Variants in GREB1L observed in about 807,000 individuals in gnomAD.
GREB1L encodes the protein GREB1-like protein.
A neutral mutation model predicts 200.8 loss-of-function variants in GREB1L; 17 were observed. The ratio of observed to expected loss-of-function variants is 0.08; its 90% confidence interval spans 0.06 to 0.13. The LOEUF is 0.13. Ranked by LOEUF, GREB1L falls within the 10% of genes least tolerant of loss-of-function variation. The pLI is 1.00. For missense variants in GREB1L, 1,657 were observed against 2,367.7 expected, an observed-to-expected ratio of 0.70 and a Z score of 6.23; for synonymous variants, 789 against 893.0, an observed-to-expected ratio of 0.88 and a Z score of 2.08.
intron 2 of GREB1L, chr18:21,380,716 A>G (rs2040269354): frequency 6.6e-6 from 1 of 152,212 alleles, no homozygotes; most frequent in Non-Finnish European, 1.5e-5. Context: ...CAGAATACTG[A>G]GGATTAAATA....
chr18:21,342,118 G>T (rs746887061), intron 1 of GREB1L, among the ~76,000 whole-genome samples: 6 of 152,024 alleles, frequency 3.9e-5, no homozygotes, highest in Non-Finnish European at 8.8e-5. Context: ...TGCTTATAGG[G>T]TCTCTAAATG....
chr18:21,395,497 C>T lies in GREB1L; in HGVS notation c.468C>T (p.His156=). The stretch of plus-strand genomic sequence containing the variant: ...CCAAGTCTCCCAATCTGCCTGAACA[C>T]ATCCTAGTTTGTGCTGTGGACAAGC... ...VGAKSPNLPE[H]ILVCAVDKRF... Residue 156 remains histidine, a synonymous_variant, in exon 5 of 33, where the codon CAC becomes CAT. Transcript: ENST00000424526. 6.4e-7 allele frequency: 1 copy of T among 1,551,406 alleles called. No homozygotes were observed. The highest frequency in any genetic ancestry group is 2.4e-5 in the East Asian group (1 of 40,890).
chr18:21,369,289 T>C (rs982469333), intron 2 of GREB1L, among the ~76,000 whole-genome samples: 1 of 152,192 alleles, frequency 6.6e-6, no homozygotes, highest in Non-Finnish European at 1.5e-5. Context: ...TTCTGGTTAT[T>C]TAATGTTTTC....
intron 19 of GREB1L, among the ~76,000 whole-genome samples, chr18:21,493,456 C>A (rs187218773): frequency 6.6e-6 from 1 of 152,176 alleles, no homozygotes; most frequent in Non-Finnish European, 1.5e-5. Context: ...CACAGGAGAA[C>A]TGCAGCCATC....
chr18:21,500,108 G>A lies in GREB1L; in HGVS notation c.3771G>A (p.Leu1257=). The change falls in exon 22 of 33, where the codon CTG becomes CTA. Residue 1257 remains leucine (L), a synonymous_variant. Coordinates refer to ENST00000424526, the MANE Select transcript of GREB1L (RefSeq NM_001142966.3). The part of the protein sequence containing the change: ...SGKLPSSSSL[L]PHADVAWVSS... ...AGCTGCCATCCTCCTCCTCCCTGCTGCCCCACGCCGACGTGGCCTGGGTGA... is the reference window on the plus strand; with the variant it reads ...AGCTGCCATCCTCCTCCTCCCTGCTACCCCACGCCGACGTGGCCTGGGTGA... 1.7e-5 allele frequency: 27 copies of A among 1,551,688 alleles called. No individual in the cohort carries two copies. Among genetic ancestry groups the A allele is most frequent in the Non-Finnish European group, 2.4e-5 (27 of 1,147,008 alleles).
chr18:21,472,777 A>T (rs2035533591), intron 15 of GREB1L, among the ~76,000 whole-genome samples: 2 of 152,202 alleles, frequency 1.3e-5, no homozygotes. Context: ...AGCTGCCTTT[A>T]TCTCATGTAC....
chr18:21,444,138 C>G (rs1350787723), intron 10 of GREB1L, 86 bp from the exon 11 acceptor site: 1 of 894,026 alleles, frequency 1.1e-6, no homozygotes, highest in African/African-American at 1.7e-5. Flanking sequence ...TTTTGTTAAG[C>G]AGCTTTGATC....
At chr18:21,460,179 T>C (rs2034980957) in intron 15 of GREB1L, among the ~76,000 whole-genome samples, 1 of 152,314 alleles carries the variant, frequency 6.6e-6, no homozygotes, top group East Asian at 1.9e-4. Flanking sequence ...GTTTTCGTTT[T>C]TGTTTTTGTT....
chr18:21,265,461 C>T (rs369706228), intron 1 of GREB1L, among the ~76,000 whole-genome samples: 26 of 152,102 alleles, frequency 1.7e-4, no homozygotes, highest in South Asian at 4.1e-4. Flanking sequence ...AAAAAATGGA[C>T]GGTGATGGGC....
chr18:21,516,654 G>A lies in GREB1L; in HGVS notation c.5171G>A (p.Ser1724Asn). 6.4e-7 allele frequency: 1 copy of A among 1,551,518 alleles called. No individual in the cohort carries two copies. The highest frequency in any genetic ancestry group is 8.7e-7 in the Non-Finnish European group (1 of 1,146,818). ...GCTGACTTTAATCTGAGAACAAACA[G>A]TAGTGGCCTGCTCATCTGCCGCTTT... is the stretch of plus-strand genomic sequence containing the variant. ...EDADFNLRTN[S>N]SGLLICRFNN... Residue 1724 changes from serine (S) to asparagine (N), a missense_variant, in exon 30 of 33, where the codon AGT becomes AAT. Around this residue, in one of 9 missense-constraint regions of GREB1L, gnomAD observed 151 missense variants for 309.6 expected, o/e 0.49. Coordinates refer to ENST00000424526, the MANE Select transcript of GREB1L (RefSeq NM_001142966.3).
At chr18:21,252,793 G>T (rs538543618) in intron 1 of GREB1L, among the ~76,000 whole-genome samples, 1 of 152,090 alleles carries the variant, frequency 6.6e-6, no homozygotes, top group East Asian at 1.9e-4. Flanking sequence ...GCTTGAACCC[G>T]GGAGGCGGAG....
At chr18:21,305,841 G>T (rs2038690618) in intron 1 of GREB1L, among the ~76,000 whole-genome samples, 1 of 152,108 alleles carries the variant, frequency 6.6e-6, no homozygotes, top group African/African-American at 2.4e-5. Context: ...AGCCTGCCCA[G>T]CTCATTCCCA....
intron 1 of GREB1L, among the ~76,000 whole-genome samples, chr18:21,287,917 C>T (rs761114128): frequency 5.3e-5 from 8 of 151,450 alleles, no homozygotes; most frequent in Non-Finnish European, 7.4e-5. Flanking sequence ...GCCTCAACCT[C>T]CCGGGTAGCT....
At chr18:21,474,493 A>G (rs921321362) in intron 16 of GREB1L, among the ~76,000 whole-genome samples, 2 of 152,170 alleles carry the variant, frequency 1.3e-5, no homozygotes, top group Non-Finnish European at 2.9e-5. Flanking sequence ...AGGCATTTCC[A>G]TACATCTGAA....
intron 15 of GREB1L, among the ~76,000 whole-genome samples, chr18:21,459,476 G>A (rs2034939169): frequency 6.6e-6 from 1 of 151,554 alleles, no homozygotes; most frequent in Non-Finnish European, 1.5e-5. Context: ...AATAGAGGCA[G>A]GGTTTCACCA....
intron 25 of GREB1L, 24 bp from the exon 26 acceptor site, chr18:21,508,094 T>C (rs185947730): frequency 3.5e-5 from 54 of 1,549,508 alleles, no homozygotes; most frequent in Admixed American, 9.8e-5. Context: ...TTACGTTCCC[T>C]CCCTTTCTTC....
intron 1 of GREB1L, among the ~76,000 whole-genome samples, chr18:21,335,883 T>G (rs1177178517): frequency 6.6e-6 from 1 of 152,128 alleles, no homozygotes; most frequent in Non-Finnish European, 1.5e-5. Context: ...CAGGATGGTC[T>G]CGATCTCCTG....
chr18:21,283,981 C>T (rs538184180), intron 1 of GREB1L, among the ~76,000 whole-genome samples: 1 of 152,158 alleles, frequency 6.6e-6, no homozygotes. Flanking sequence ...ACTTTTAAAG[C>T]CAGCTTCCTC....
chr18:21,375,076 T>G (rs1037746071), intron 2 of GREB1L, among the ~76,000 whole-genome samples: 14 of 151,588 alleles, frequency 9.2e-5, no homozygotes, highest in South Asian at 2.1e-4. Context: ...TTTTGTTTTT[T>G]TTTTTGAGAT....
Sources: allele counts gnomAD v4.1 joint callset (sites outside exome capture counted in the v4.1 genomes callset), GRCh38; gene constraint gnomAD v4.1.1; regional missense constraint gnomAD v4.1.1; transcripts MANE v1.5; gene names NCBI Gene and HGNC (gene_info 2026-07-23, HGNC 2026-07-21).